SUPT3H: variants seen among roughly 807,000 people sequenced by gnomAD.
SUPT3H encodes transcription initiation protein SPT3 homolog.
A neutral mutation model predicts 44.3 loss-of-function variants in SUPT3H; 44 were observed. That is an observed-to-expected ratio of 0.99 (90% confidence interval 0.78 to 1.28). SUPT3H has a LOEUF of 1.28. SUPT3H is among the 50% of genes most tolerant of loss of function. The pLI, the probability that SUPT3H is intolerant of heterozygous loss-of-function variation, is 0.00. For synonymous variants in SUPT3H, 124 were observed against 125.6 expected, an observed-to-expected ratio of 0.99 and a Z score of 0.09; for missense variants, 380 against 387.1, an observed-to-expected ratio of 0.98 and a Z score of 0.15.
rs1022568642 is a variant in SUPT3H at position 45,135,524 on chromosome 6, C to T, written c.102-29518G>A. Among the ~76,000 whole-genome samples, 127 of 152,290 alleles carry T rather than the reference C, an allele frequency of 8.3e-4. 1 individual carries two copies. The highest frequency in any genetic ancestry group is 8.1e-3 in the Admixed American group (124 of 15,292). ...CATAGAAATTTATTCCACCACATAC[C>T]TAGTTCATCACTCTTAAATTCCGCC... On this transcript the variant is annotated intron_variant, in intron 2 of 10. Transcript: ENST00000371459.
chr6:45,211,448 A>G (rs1293650276), intron 2 of SUPT3H, among the ~76,000 whole-genome samples: 1 of 152,216 alleles, frequency 6.6e-6, no homozygotes, highest in Admixed American at 6.5e-5. Context: ...CTAAAAATCA[A>G]TAAAAATGAT....
At chr6:45,090,548 T>C (rs979758001) in intron 3 of SUPT3H, among the ~76,000 whole-genome samples, 1 of 151,968 alleles carries the variant, frequency 6.6e-6, no homozygotes, top group Non-Finnish European at 1.5e-5. Context: ...TCCACCATGA[T>C]AGAAAATACC....
chr6:45,208,599 CT>C (rs1444966734), intron 2 of SUPT3H, among the ~76,000 whole-genome samples: 3 of 151,974 alleles, frequency 2.0e-5, no homozygotes, highest in Non-Finnish European at 2.9e-5. Flanking sequence ...TGGTGTGCAC[CT>C]GTAGTCCCAG....
rs866201771 is a variant in SUPT3H, at chr6:45,183,853, T to C, written c.102-77847A>G. 6.6e-5 allele frequency among the ~76,000 whole-genome samples: 10 copies of C among 152,288 alleles called. No individual in the cohort carries two copies. In the East Asian group the frequency reaches 1.2e-3, roughly 18 times the overall value. Reference sequence around the variant, plus strand: ...AAGGATACCTACTGTATGATTCTGATACAACATTCTGAAAAAAGCAAAACG... The same window carrying C: ...AAGGATACCTACTGTATGATTCTGACACAACATTCTGAAAAAAGCAAAACG... On this transcript the variant is annotated intron_variant, in intron 2 of 10. Transcript: ENST00000371459.
intron 3 of SUPT3H, among the ~76,000 whole-genome samples, chr6:45,090,065 A>G (rs16873119): frequency 0.052 from 7,956 of 152,184 alleles, 718 homozygotes; most frequent in African/African-American, 0.18. Flanking sequence ...ATATCAACCA[A>G]TAGCTGAATT....
At chr6:44,966,016 C>T (rs1018544705) in intron 6 of SUPT3H, among the ~76,000 whole-genome samples, 3 of 152,094 alleles carry the variant, frequency 2.0e-5, no homozygotes, top group Non-Finnish European at 2.9e-5. Flanking sequence ...TAGGATCAAA[C>T]TGTAATCCAA....
At chr6:45,087,438 C>G (rs1180377089) in intron 3 of SUPT3H, among the ~76,000 whole-genome samples, 1 of 151,804 alleles carries the variant, frequency 6.6e-6, no homozygotes, top group African/African-American at 2.4e-5. Context: ...TAAATGCTAT[C>G]ATTTATACTA....
At chr6:45,199,724 G>T (rs1762176096) in intron 2 of SUPT3H, among the ~76,000 whole-genome samples, 1 of 151,098 alleles carries the variant, frequency 6.6e-6, no homozygotes, top group Admixed American at 6.6e-5. Flanking sequence ...TTCTCTGTGG[G>T]TATTTTTTTC....
intron 7 of SUPT3H, among the ~76,000 whole-genome samples, chr6:44,956,777 C>T (rs1775286492): frequency 6.6e-6 from 1 of 152,172 alleles, no homozygotes; most frequent in African/African-American, 2.4e-5. Flanking sequence ...CACTCTTCTT[C>T]ATTCATATGA....
At chr6:44,902,518 C>T (rs1306895424) in intron 10 of SUPT3H, among the ~76,000 whole-genome samples, 2 of 151,974 alleles carry the variant, frequency 1.3e-5, no homozygotes, top group Admixed American at 6.6e-5. Flanking sequence ...ACAGGAGCAC[C>T]CAGATTCATA....
intron 6 of SUPT3H, among the ~76,000 whole-genome samples, chr6:44,970,717 C>T (rs6903887): frequency 0.066 from 10,044 of 152,076 alleles, 1,110 homozygotes; most frequent in African/African-American, 0.23. Flanking sequence ...AGCTGAAAGG[C>T]TTTACAGTAC....
chr6:45,218,739 A>T (rs993045664), intron 2 of SUPT3H, among the ~76,000 whole-genome samples: 2 of 152,214 alleles, frequency 1.3e-5, no homozygotes, highest in Admixed American at 6.5e-5. Flanking sequence ...CGTCTCAAAA[A>T]AAGTACTAGT....
intron 2 of SUPT3H, among the ~76,000 whole-genome samples, chr6:45,303,381 G>A (rs2149939519): frequency 6.6e-6 from 1 of 152,134 alleles, no homozygotes; most frequent in South Asian, 2.1e-4. Flanking sequence ...TCCGACAAAG[G>A]ACTAATATCC....
chr6:45,275,072 T>C (rs1050096556), intron 2 of SUPT3H, among the ~76,000 whole-genome samples: 2 of 152,222 alleles, frequency 1.3e-5, no homozygotes, highest in South Asian at 2.1e-4. Context: ...TATGCTGCTA[T>C]TATTTTGTTG....
intron 2 of SUPT3H, among the ~76,000 whole-genome samples, chr6:45,224,043 C>T (rs1363329042): frequency 1.4e-5 from 2 of 146,828 alleles, no homozygotes; most frequent in Admixed American, 6.8e-5. Flanking sequence ...CATAATGTAC[C>T]AAAAACAAAT....
At chr6:45,238,467 G>C (rs921657169) in intron 2 of SUPT3H, among the ~76,000 whole-genome samples, 1 of 152,174 alleles carries the variant, frequency 6.6e-6, no homozygotes, top group Admixed American at 6.5e-5. Context: ...TCTACCCTTA[G>C]AGGAGATCCT....
intron 2 of SUPT3H, among the ~76,000 whole-genome samples, chr6:45,220,057 A>G (rs1458955613): frequency 2.7e-5 from 4 of 150,304 alleles, no homozygotes; most frequent in African/African-American, 9.7e-5. Flanking sequence ...AAAAAAAAAA[A>G]AAAAAAAAAG....
At chr6:45,035,302 A>G (rs1787512020) in intron 3 of SUPT3H, among the ~76,000 whole-genome samples, 1 of 152,126 alleles carries the variant, frequency 6.6e-6, no homozygotes, top group Admixed American at 6.6e-5. Flanking sequence ...CCAATTTTTA[A>G]TATGGATGTA....
At chr6:44,956,483 ATAAAAAAAAAAAATAAAAAT>A (rs1274789913) in intron 7 of SUPT3H, among the ~76,000 whole-genome samples, 1,136 of 92,948 alleles carry the variant, frequency 0.012, 176 homozygotes, top group African/African-American at 0.028. Flanking sequence ...AAAAAAAAAA[ATAAAAAAAAAAAATAAAAAT>A]AAAAAAAAAA....
Sources: allele counts gnomAD v4.1 joint callset (sites outside exome capture counted in the v4.1 genomes callset), GRCh38; gene constraint gnomAD v4.1.1; transcripts MANE v1.5; gene names NCBI Gene and HGNC (gene_info 2026-07-23, HGNC 2026-07-21).